Variants in SLC39A3 observed in about 807,000 individuals in gnomAD.
The protein encoded by SLC39A3 is solute carrier family 39 member 3.
SLC39A3 carries 3 observed loss-of-function variants against 5.1 expected under a neutral mutation model. The observed-to-expected ratio is 0.59, with a 90% confidence interval of 0.27 to 1.54. The LOEUF (loss-of-function observed/expected upper bound fraction) is 1.54. Ranked by LOEUF, SLC39A3 falls within the 40% of genes most tolerant of loss-of-function variation. The pLI is 0.12. For synonymous variants in SLC39A3, 250 were observed against 218.8 expected (o/e 1.14, Z -1.26); for missense variants, 412 against 436.4 (o/e 0.94, Z 0.50).
chr19:2,735,825 C>G lies in SLC39A3; in HGVS notation c.210+1223G>C, dbSNP rs1391288016. The stretch of plus-strand genomic sequence containing the variant: ...CAGGGAGCCACCCTGGAACTCTACT[C>G]TGCCACACTAACAGGCTCAGATGAT... On this transcript the variant is annotated intron_variant, in intron 2 of 2. Coordinates refer to ENST00000269740, the MANE Select transcript of SLC39A3 (RefSeq NM_144564.5). This position sits in a 1 kb window ranked among gnomAD's most constrained non-coding sequence, Gnocchi z 5.7. 2.0e-6 allele frequency: 2 copies of G among 985,492 alleles called. No homozygotes were observed. Among genetic ancestry groups the G allele is most frequent in the East Asian group, 1.1e-4 (1 of 8,816 alleles). 61.0% of individuals were successfully genotyped at this position (985,492 alleles called of 1,614,324 possible).
rs895596737 is a variant in SLC39A3, at chr19:2,734,172, G to A, written c.211-687C>T. Among the ~76,000 whole-genome samples the A allele has an allele frequency of 6.6e-6, 1 of 152,242 alleles. No individual in the cohort carries two copies. Among genetic ancestry groups the A allele is most frequent in the Non-Finnish European group, 1.5e-5 (1 of 68,046 alleles). ...CAGCTGCTCACGGGGCGGACACGCA[G>A]GCATTAGGCTATGCGCCAGGATGAA... On this transcript the variant is annotated intron_variant, in intron 2 of 2. Transcript: ENST00000269740. The surrounding 1 kb of genome is among the most constrained non-coding windows in gnomAD (Gnocchi z 4.6).
chr19:2,739,109 A>AG (rs1914471580), intron 1 of SLC39A3, among the ~76,000 whole-genome samples: 1 of 147,998 alleles, frequency 6.8e-6, no homozygotes. Context: ...CAAAAAAAAA[A>AG]AAAAAAAAAA....
intron 1 of SLC39A3, chr19:2,739,293 A>T (rs145846620): frequency 1.3e-5 from 2 of 152,158 alleles, no homozygotes; most frequent in East Asian, 3.9e-4. Flanking sequence ...AATGGGCCAA[A>T]GTGAAGTCGG....
Position 2,732,606 on chromosome 19 carries a change from C to T in SLC39A3, c.*145G>A. ...TCAGGGTGTAGGATCGGGGGCACAGCCTGGTCCCGGGAGGCCCCTTGTGCA... is the reference window on the plus strand; with the variant it reads ...TCAGGGTGTAGGATCGGGGGCACAGTCTGGTCCCGGGAGGCCCCTTGTGCA... On this transcript the variant is annotated 3_prime_UTR_variant, in exon 3 of 3. Coordinates refer to ENST00000269740, the MANE Select transcript of SLC39A3 (RefSeq NM_144564.5). 3 of 1,418,830 alleles carry T rather than the reference C, an allele frequency of 2.1e-6. No individual in the cohort carries two copies. The highest frequency in any genetic ancestry group is 2.8e-6 in the Non-Finnish European group (3 of 1,089,894). The allele number at this position is 1,418,830 out of a possible 1,614,324, so 87.9% of individuals were successfully genotyped here. A position where few individuals can be genotyped will look rare whatever the true frequency, so the allele number is the denominator to read the frequency against.
At chr19:2,736,906 A>G (rs1346236543) in intron 2 of SLC39A3, 142 bp downstream of exon 2, 4 of 1,533,252 alleles carry the variant, frequency 2.6e-6, no homozygotes. Flanking sequence ...GTTCACAATC[A>G]CACAGCAAAT....
intron 2 of SLC39A3, 63 bp downstream of exon 2, chr19:2,736,968 GGCATCAGTGTTGAAAAT>G (rs749564974): frequency 6.3e-7 from 1 of 1,591,834 alleles, no homozygotes; most frequent in East Asian, 2.3e-5. Context: ...CACTGAACTT[GGCATCAGTGTTGAAAAT>G]GCATCAGAGT....
chr19:2,739,759 G>A (rs1359602881), intron 1 of SLC39A3, among the ~76,000 whole-genome samples, 186 bp downstream of exon 1: 3 of 152,188 alleles, frequency 2.0e-5, no homozygotes, highest in Non-Finnish European at 4.4e-5. Flanking sequence ...AGGCTGCTCG[G>A]GCCGGGATGA....
rs1219612554 is a variant in SLC39A3, at chr19:2,737,153, C to G, written c.105G>C (p.Glu35Asp). The G allele has an allele frequency of 6.2e-7, 1 of 1,614,028 alleles. No homozygotes were observed. Among genetic ancestry groups the G allele is most frequent in the Non-Finnish European group, 8.5e-7 (1 of 1,180,044 alleles). Residue 35 changes from glutamate (E) to aspartate (D), a missense_variant, in exon 2 of 3, where the codon GAG (glutamate) becomes GAC (aspartate). By Grantham distance (45) the Glu-to-Asp change is conservative. Coordinates refer to ENST00000269740, the MANE Select transcript of SLC39A3 (RefSeq NM_144564.5). ...LPVKIIETDF[E>D]KAHRSKKILS... ...GGATCTTTTTCGAGCGATGGGCCTTCTCAAAATCTGTCTCGATGATCTTCA... is the reference window on the plus strand; with the variant it reads ...GGATCTTTTTCGAGCGATGGGCCTTGTCAAAATCTGTCTCGATGATCTTCA...
chr19:2,737,301 C>A lies in SLC39A3; in HGVS notation c.-44G>T. 2 of 1,550,820 alleles carry A rather than the reference C, an allele frequency of 1.3e-6. No homozygotes were observed. Among genetic ancestry groups the A allele is most frequent in the Non-Finnish European group, 1.7e-6 (2 of 1,144,912 alleles). On this transcript the variant is annotated 5_prime_UTR_variant, in exon 2 of 3. Coordinates refer to ENST00000269740, the MANE Select transcript of SLC39A3 (RefSeq NM_144564.5). ...TCTGGTCACTGCAGGGCCAAACCAT[C>A]TGTGGGCGCACACCCAAGTCCCACG...
At chr19:2,736,779 A>G in intron 2 of SLC39A3, 1 of 1,444,000 alleles carries the variant, frequency 6.9e-7, no homozygotes, top group Non-Finnish European at 9.1e-7. Flanking sequence ...TGCCCTACCT[A>G]GGTGGGTAGT....
Position 2,732,867 on chromosome 19 carries a change from T to G in SLC39A3, c.829A>C (p.Thr277Pro). The change falls in exon 3 of 3, where the codon ACC becomes CCC. Residue 277 changes from threonine to proline, a missense_variant. Transcript: ENST00000269740. ...TCCTTGGCCAGGATCTCCAGGAAGG[T>G]GATGAAGAGGAAGGTGCCGCCCGCC... ...GLAGGTFLFI[T>P]FLEILAKELE... The G allele has an allele frequency of 6.2e-7, 1 of 1,611,718 alleles. No homozygotes were observed. The highest frequency in any genetic ancestry group is 8.5e-7 in the Non-Finnish European group (1 of 1,179,354).
chr19:2,736,178 G>A (rs946301499), intron 2 of SLC39A3: 1 of 985,562 alleles, frequency 1.0e-6, no homozygotes, highest in African/African-American at 1.7e-5. Context: ...GCTGTCAGGA[G>A]TTGGGGTGGA....
At position 2,735,306 on chromosome 19, in the gene SLC39A3, C is replaced by T. The variant is rs1914326588; in HGVS notation, c.210+1742G>A. 2 of 760,668 alleles carry T rather than the reference C, an allele frequency of 2.6e-6. No individual in the cohort carries two copies. The highest frequency in any genetic ancestry group is 3.8e-5 in the African/African-American group (2 of 52,868). The allele number at this position is 760,668 out of a possible 1,614,324, so 47.1% of individuals were successfully genotyped here. ...ACGCGGAACAGCAGGAATGCGGTGT[C>T]TCGGCTCTGAACGGTGGAAATCCAG... On this transcript the variant is annotated intron_variant, in intron 2 of 2. Coordinates refer to ENST00000269740, the MANE Select transcript of SLC39A3 (RefSeq NM_144564.5). This position sits in a 1 kb window ranked among gnomAD's most constrained non-coding sequence, Gnocchi z 5.7.
At chr19:2,737,720 T>G (rs1914418985) in intron 1 of SLC39A3, 1 of 168,752 alleles carries the variant, frequency 5.9e-6, no homozygotes, top group South Asian at 1.3e-4. Flanking sequence ...TCTTCAGTTT[T>G]GGAACTCGGA....
intron 1 of SLC39A3, among the ~76,000 whole-genome samples, chr19:2,738,909 C>G (rs1241207560): frequency 6.6e-6 from 1 of 150,952 alleles, no homozygotes; most frequent in Non-Finnish European, 1.5e-5. Context: ...TGCACTCCAG[C>G]CTGGGTGACA....
rs142226991 is a variant in SLC39A3 at position 2,738,502 on chromosome 19, A to G, written c.-122-1123T>C. The stretch of plus-strand genomic sequence containing the variant: ...TCTGTGCCAAGCTTGCTCGTGCCTC[A>G]GGACCTCTGCATGGGTTCTCCTCTC... On this transcript the variant is annotated intron_variant, in intron 1 of 2. Coordinates refer to ENST00000269740, the MANE Select transcript of SLC39A3 (RefSeq NM_144564.5). Among the ~76,000 whole-genome samples, 205 of 152,240 alleles carry G rather than the reference A, an allele frequency of 1.3e-3. 1 individual carries two copies. Among genetic ancestry groups the G allele is most frequent in the African/African-American group, 4.7e-3 (197 of 41,542 alleles).
At position 2,732,964 on chromosome 19, in the gene SLC39A3, G is replaced by T; in HGVS notation, c.732C>A (p.Ile244=). ...VTVSAMIPLG[I]GLGLGIESAQ... is the part of the protein sequence containing the mutation. ...CGCTCTCAATGCCCAGGCCCAGGCC[G>T]ATGCCCAGGGGGATCATGGCGCTTA... Residue 244 remains isoleucine (I), a synonymous_variant, in exon 3 of 3, where the codon ATC becomes ATA. Transcript: ENST00000269740. 1 of 1,603,430 alleles carries T rather than the reference G, an allele frequency of 6.2e-7. No homozygotes were observed. The highest frequency in any genetic ancestry group is 8.5e-7 in the Non-Finnish European group (1 of 1,174,202).
chr19:2,737,339 G>A lies in SLC39A3; in HGVS notation c.-82C>T. 1 of 1,507,144 alleles carries A rather than the reference G, an allele frequency of 6.6e-7. No individual in the cohort carries two copies. The allele number at this position is 1,507,144 out of a possible 1,614,324, so 93.4% of individuals were successfully genotyped here. A position where few individuals can be genotyped will look rare whatever the true frequency, so the allele number is the denominator to read the frequency against. ...CCCAAGTCCCACGATGTGCTACCGA[G>A]CCCAACCACACAGTTGGAGGCTCAT... On this transcript the variant is annotated 5_prime_UTR_variant, in exon 2 of 3. Coordinates refer to ENST00000269740, the MANE Select transcript of SLC39A3 (RefSeq NM_144564.5).
At chr19:2,737,476 T>A in intron 1 of SLC39A3, 97 bp from the exon 2 acceptor site, 1 of 790,614 alleles carries the variant, frequency 1.3e-6, no homozygotes, top group Non-Finnish European at 1.9e-6. Context: ...AGTGCAATGG[T>A]GCAATCTCCG....
Sources: allele counts gnomAD v4.1 joint callset (sites outside exome capture counted in the v4.1 genomes callset), GRCh38; gene constraint gnomAD v4.1.1; non-coding constraint Gnocchi (gnomAD v3.1); transcripts MANE v1.5; gene names NCBI Gene and HGNC (gene_info 2026-07-23, HGNC 2026-07-21).